The following RPAP3 variants were observed in gnomAD, a reference collection of about 807,000 sequenced individuals.
RPAP3 encodes RNA polymerase II associated protein 3, also known as RNA polymerase II-associated protein 3.
In RPAP3, 58 loss-of-function variants were observed where a neutral mutation model predicts 88.8. The observed-to-expected ratio is 0.65, with a 90% CI of 0.53 to 0.81. The LOEUF is 0.81. Among genes scored for constraint, RPAP3 ranks in the 40% least tolerant of loss-of-function variants. The probability of loss-of-function intolerance (pLI) is 0.00; values close to 1 mark genes in which losing one functional copy is unlikely to be tolerated. For missense variants in RPAP3, 751 were observed against 764.3 expected (o/e 0.98, Z 0.20); for synonymous variants, 255 against 259.9 (o/e 0.98, Z 0.18).
chr12:47,683,280 C>T (rs989355297), intron 9 of RPAP3, among the ~76,000 whole-genome samples: 7 of 152,146 alleles, frequency 4.6e-5, no homozygotes, highest in Non-Finnish European at 1.0e-4. Context: ...TATTGGTCTC[C>T]TTTTCTGTCA....
At chr12:47,683,703 G>A (rs1159170734) in intron 9 of RPAP3, among the ~76,000 whole-genome samples, 2 of 152,248 alleles carry the variant, frequency 1.3e-5, no homozygotes, top group East Asian at 1.9e-4. Context: ...TAGGTGGTTG[G>A]AGAAAAAGAC....
chr12:47,681,652 G>A, intron 10 of RPAP3, 44 bp downstream of exon 10: 3 of 1,588,254 alleles, frequency 1.9e-6, no homozygotes, highest in East Asian at 2.3e-5. Context: ...TTTAACTTGG[G>A]CACTCATCAG....
chr12:47,677,038 T>C (rs1312872358), intron 12 of RPAP3, among the ~76,000 whole-genome samples: 1 of 152,116 alleles, frequency 6.6e-6, no homozygotes, highest in Non-Finnish European at 1.5e-5. Flanking sequence ...AAAAACCTTA[T>C]CCACCACGAT....
At chr12:47,704,874 G>T (rs373029447) in intron 1 of RPAP3, among the ~76,000 whole-genome samples, 2 of 151,864 alleles carry the variant, frequency 1.3e-5, no homozygotes, top group African/African-American at 2.4e-5. Context: ...TTAGCCAGGC[G>T]TGGTGGAGGG....
intron 1 of RPAP3, among the ~76,000 whole-genome samples, chr12:47,703,565 T>G (rs1939701569): frequency 6.6e-6 from 1 of 152,184 alleles, no homozygotes; most frequent in Non-Finnish European, 1.5e-5. Flanking sequence ...TGGAACTGAC[T>G]GCAAAAAATA....
At position 47,681,566 on chromosome 12, in the gene RPAP3, A is replaced by G. The variant is rs1459602318; in HGVS notation, c.1114+130T>C. On this transcript the variant is annotated intron_variant, in intron 10 of 16. Coordinates refer to ENST00000005386, the MANE Select transcript of RPAP3 (RefSeq NM_024604.3). ...ATTCCTCCAAATCTATTCGTGATCT[A>G]AACTGTGGAAAGAAAACATAATTCC... 1.2e-5 allele frequency: 11 copies of G among 928,282 alleles called. No individual in the cohort carries two copies. The East Asian group carries it at 2.2e-4, about 19-fold the overall frequency. 57.5% of individuals were successfully genotyped at this position (928,282 alleles called of 1,614,324 possible). A position where few individuals can be genotyped will look rare whatever the true frequency, so the allele number is the denominator to read the frequency against.
intron 12 of RPAP3, among the ~76,000 whole-genome samples, chr12:47,676,476 T>A (rs1355987673): frequency 6.6e-6 from 1 of 151,952 alleles, no homozygotes; most frequent in Non-Finnish European, 1.5e-5. Context: ...TTTGAAAAGA[T>A]CATCAAAATT....
At position 47,691,642 on chromosome 12, in the gene RPAP3, T is replaced by C. The variant is rs141129675; in HGVS notation, c.546-1003A>G. On this transcript the variant is annotated intron_variant, in intron 5 of 16. Transcript: ENST00000005386. The stretch of plus-strand genomic sequence containing the variant: ...TGATCCATGGGCTGCAGAATGGATA[T>C]TGTGTTAGGAGGCATGAAAACAACA... Among the ~76,000 whole-genome samples the C allele has an allele frequency of 1.8e-3, 269 of 152,310 alleles. 2 individuals carry two copies. The highest frequency in any genetic ancestry group is 6.3e-3 in the African/African-American group (262 of 41,568).
intron 10 of RPAP3, 42 bp from the exon 11 acceptor site, chr12:47,679,816 G>C: frequency 7.3e-7 from 1 of 1,379,136 alleles, no homozygotes; most frequent in East Asian, 2.3e-5. Context: ...TAGTTAAAAT[G>C]TGGAGTTTTC....
intron 3 of RPAP3, among the ~76,000 whole-genome samples, chr12:47,699,078 C>G (rs1939594409): frequency 1.3e-5 from 2 of 152,272 alleles, no homozygotes; most frequent in African/African-American, 2.4e-5. Context: ...GTATAGAAAA[C>G]TAACAGCAGC....
At chr12:47,682,117 C>G (rs1356382262) in intron 9 of RPAP3, among the ~76,000 whole-genome samples, 1 of 152,112 alleles carries the variant, frequency 6.6e-6, no homozygotes, top group Non-Finnish European at 1.5e-5. Flanking sequence ...TCTCTGCCTA[C>G]CTCTTCTCCA....
At chr12:47,671,366 CTT>C (rs1938994315) in intron 12 of RPAP3, among the ~76,000 whole-genome samples, 1 of 152,124 alleles carries the variant, frequency 6.6e-6, no homozygotes, top group Non-Finnish European at 1.5e-5. Flanking sequence ...GAGAAGAAAA[CTT>C]TCCTCAATGT....
intron 12 of RPAP3, among the ~76,000 whole-genome samples, chr12:47,672,302 T>C (rs1047638973): frequency 1.3e-5 from 2 of 152,184 alleles, no homozygotes; most frequent in African/African-American, 4.8e-5. Context: ...ATTTCAATAA[T>C]CCTGAGACTC....
chr12:47,680,407 A>G (rs370573635), intron 10 of RPAP3, among the ~76,000 whole-genome samples: 9 of 152,128 alleles, frequency 5.9e-5, no homozygotes, highest in African/African-American at 2.2e-4. Flanking sequence ...AATGTATTTA[A>G]TGCCACTGAG....
At chr12:47,666,166 A>C (rs2136603924) in intron 16 of RPAP3, among the ~76,000 whole-genome samples, 1 of 152,322 alleles carries the variant, frequency 6.6e-6, no homozygotes, top group Admixed American at 6.5e-5. Context: ...TTTTTCCTGA[A>C]ATGAGTATAG....
intron 12 of RPAP3, among the ~76,000 whole-genome samples, chr12:47,676,882 C>T (rs1939126714): frequency 6.6e-6 from 1 of 152,206 alleles, no homozygotes; most frequent in African/African-American, 2.4e-5. Context: ...TCCTCCCTAA[C>T]TCATTTTATG....
intron 1 of RPAP3, among the ~76,000 whole-genome samples, chr12:47,703,854 G>A (rs892157163): frequency 2.0e-5 from 3 of 152,200 alleles, no homozygotes; most frequent in Admixed American, 2.0e-4. Context: ...ACTAGACTGA[G>A]GTGTTGGAGA....
chr12:47,686,747 C>T, intron 9 of RPAP3, 33 bp downstream of exon 9: 1 of 1,424,592 alleles, frequency 7.0e-7, no homozygotes, highest in Non-Finnish European at 9.3e-7. Context: ...AAATTTTTAT[C>T]CTGAACAGCA....
rs1592479914 is a variant in RPAP3, at chr12:47,687,820, A to G, written c.864+56T>C. The G allele has an allele frequency of 4.5e-6, 7 of 1,547,634 alleles. No homozygotes were observed. The East Asian group carries it at 1.6e-4, about 36-fold the overall frequency. Reference sequence around the variant, plus strand: ...AAAGAAATTAACTGATATACAAGAAATAAATCAACACTCAGCAAAACATAT... The same window carrying G: ...AAAGAAATTAACTGATATACAAGAAGTAAATCAACACTCAGCAAAACATAT... On this transcript the variant is annotated intron_variant, in intron 8 of 16. Transcript: ENST00000005386.
Sources: gnomAD v4.1 joint callset for allele counts (sites outside exome capture counted in the v4.1 genomes callset) on GRCh38, gnomAD v4.1.1 for gene constraint, MANE v1.5 for transcripts, NCBI Gene and HGNC (gene_info 2026-07-23, HGNC 2026-07-21) for gene names.